CTBP2: variants seen among roughly 807,000 people sequenced by gnomAD.
The protein encoded by CTBP2 is C-terminal-binding protein 2.
CTBP2 carries 30 observed loss-of-function variants against 80.3 expected under a neutral mutation model. The ratio of observed to expected loss-of-function variants is 0.37; its 90% CI spans 0.28 to 0.51. CTBP2 has a LOEUF of 0.51. Among genes scored for constraint, CTBP2 ranks in the 20% least tolerant of loss-of-function variants. The probability of loss-of-function intolerance (pLI) is 0.93; values close to 1 mark genes in which losing one functional copy is unlikely to be tolerated. For synonymous variants in CTBP2, 594 were observed against 587.4 expected (o/e 1.01, Z -0.16); for missense variants, 1,212 against 1,375.3 (o/e 0.88, Z 1.88).
chr10:125,011,920 C>T (rs373831558), intron 1 of CTBP2, among the ~76,000 whole-genome samples: 2 of 152,230 alleles, frequency 1.3e-5, no homozygotes, highest in African/African-American at 4.8e-5. Flanking sequence ...CAGGCTCCGT[C>T]ACCTTCACCT....
intron 1 of CTBP2, among the ~76,000 whole-genome samples, chr10:125,132,735 T>C (rs1357593824): frequency 1.3e-5 from 2 of 152,212 alleles, no homozygotes; most frequent in African/African-American, 4.8e-5. Context: ...AAATATGGGT[T>C]TTCATCTGCA....
chr10:125,005,842 A>C, intron 1 of CTBP2: 1 of 1,585,544 alleles, frequency 6.3e-7, no homozygotes, highest in South Asian at 1.1e-5. Flanking sequence ...AGTGAGGAAC[A>C]CCCCAACTTC....
chr10:125,055,033 C>T (rs939390034), intron 2 of CTBP2, among the ~76,000 whole-genome samples: 8 of 152,302 alleles, frequency 5.3e-5, no homozygotes, highest in African/African-American at 1.2e-4. Context: ...CTCTGACTCA[C>T]GCACACCCAT....
At chr10:125,126,191 C>T (rs923705366) in intron 1 of CTBP2, among the ~76,000 whole-genome samples, 3 of 152,200 alleles carry the variant, frequency 2.0e-5, no homozygotes, top group South Asian at 2.1e-4. Flanking sequence ...CCTTGTCCAA[C>T]TATGTGACCT....
chr10:125,018,961 A>G (rs74854772), intron 1 of CTBP2, among the ~76,000 whole-genome samples: 2,110 of 152,288 alleles, frequency 0.014, 47 homozygotes, highest in African/African-American at 0.048. Context: ...TCAGGAGAAC[A>G]TGTCCCAGGG....
At chr10:125,006,132 A>G in intron 1 of CTBP2, 1 of 580,912 alleles carries the variant, frequency 1.7e-6, no homozygotes, top group Non-Finnish European at 2.5e-6. Context: ...GGTGAAACCC[A>G]CCCTCTACCC....
At position 124,993,326 on chromosome 10, in the gene CTBP2, A is replaced by T. The variant is rs1952972657; in HGVS notation, c.2535T>A (p.Phe845Leu). The T allele has an allele frequency of 6.2e-7, 1 of 1,606,282 alleles. No homozygotes were observed. Among genetic ancestry groups the T allele is most frequent in the Non-Finnish European group, 8.5e-7 (1 of 1,173,570 alleles). ...GGGCATCTTTCAACGGACCCTGAGC[A>T]AAGCTAGAAAAATGTAGAAAAAACA... is the stretch of plus-strand genomic sequence containing the variant. Residue 845 changes from phenylalanine (F) to leucine (L), a missense_variant, in exon 7 of 9, where the codon TTT becomes TTA. This residue lies in a region of CTBP2 where 335 missense variants were observed against 504.7 expected (regional missense o/e 0.66). Coordinates refer to ENST00000309035, the MANE Select transcript of CTBP2 (RefSeq NM_022802.3).
chr10:125,005,862 G>T lies in CTBP2; in HGVS notation c.1679-2370C>A. Reference sequence around the variant, plus strand: ...GGAACACCCCAACTTCACTTTCAGGGGTGCTGGCAGGATGGTTATCGGAGA... The same window carrying T: ...GGAACACCCCAACTTCACTTTCAGGTGTGCTGGCAGGATGGTTATCGGAGA... On this transcript the variant is annotated intron_variant, in intron 1 of 8. Transcript: ENST00000309035. 1.9e-6 allele frequency: 3 copies of T among 1,563,194 alleles called. No homozygotes were observed. In the South Asian group the frequency reaches 3.6e-5, roughly 19 times the overall value.
intron 1 of CTBP2, among the ~76,000 whole-genome samples, chr10:125,123,891 A>G (rs1183930166): frequency 6.6e-6 from 1 of 152,238 alleles, no homozygotes; most frequent in Non-Finnish European, 1.5e-5. Context: ...GTTCCCTGAC[A>G]GAGCAGCCCT....
chr10:125,076,928 G>A (rs1222054340), intron 2 of CTBP2, among the ~76,000 whole-genome samples: 1 of 151,988 alleles, frequency 6.6e-6, no homozygotes, highest in Non-Finnish European at 1.5e-5. Context: ...CATCTGTCTC[G>A]CTACTTCCTG....
At chr10:125,089,628 GT>G (rs1490686717) in intron 2 of CTBP2, among the ~76,000 whole-genome samples, 1 of 152,212 alleles carries the variant, frequency 6.6e-6, no homozygotes, top group Non-Finnish European at 1.5e-5. Flanking sequence ...GCCAGAGAAT[GT>G]AAGATGTGCA....
chr10:125,136,940 C>T (rs929640904), intron 1 of CTBP2, among the ~76,000 whole-genome samples: 1 of 152,176 alleles, frequency 6.6e-6, no homozygotes, highest in African/African-American at 2.4e-5. Context: ...GCTCCGGGCT[C>T]GTGTCAGGAG....
At chr10:125,008,393 G>T (rs1235727503) in intron 1 of CTBP2, among the ~76,000 whole-genome samples, 1 of 152,262 alleles carries the variant, frequency 6.6e-6, no homozygotes, top group African/African-American at 2.4e-5. Flanking sequence ...ACATACCCCA[G>T]GGTTGCCCCA....
intron 2 of CTBP2, among the ~76,000 whole-genome samples, chr10:125,071,131 G>A (rs138722273): frequency 6.6e-6 from 1 of 152,296 alleles, no homozygotes; most frequent in Non-Finnish European, 1.5e-5. Context: ...TGCCAGGGCT[G>A]CCACGACCTC....
chr10:125,114,663 G>C (rs918162982), intron 1 of CTBP2, among the ~76,000 whole-genome samples: 2 of 152,158 alleles, frequency 1.3e-5, no homozygotes, highest in African/African-American at 4.8e-5. Context: ...GCCCTAAAAA[G>C]GTCTTGATGG....
At position 124,985,000 on chromosome 10, in the gene CTBP2, A is replaced by C; in HGVS notation, c.*4518T>G. 1 of 1,598,918 alleles carries C rather than the reference A, an allele frequency of 6.3e-7. No individual in the cohort carries two copies. ...GATGATGAAGATGAATGAAAAAAAAAATCAAACAGCAGAAGACCAAGGCAT... is the reference window on the plus strand; with the variant it reads ...GATGATGAAGATGAATGAAAAAAAACATCAAACAGCAGAAGACCAAGGCAT... On this transcript the variant is annotated 3_prime_UTR_variant, in exon 9 of 9. Transcript: ENST00000309035.
At position 124,987,972 on chromosome 10, in the gene CTBP2, A is replaced by C. The variant is rs1285315074; in HGVS notation, c.*1546T>G. 2 of 152,540 alleles carry C rather than the reference A, an allele frequency of 1.3e-5. No individual in the cohort carries two copies. The highest frequency in any genetic ancestry group is 2.9e-5 in the Non-Finnish European group (2 of 67,950). 9.4% of individuals were successfully genotyped at this position (152,540 alleles called of 1,614,324 possible). ...ATTTTGTTTGTTAGGTTATTGGCAA[A>C]ACAGTTTCAAGGTTCACTTCCCTCC... On this transcript the variant is annotated 3_prime_UTR_variant, in exon 9 of 9. Transcript: ENST00000309035.
At chr10:124,992,228 T>TTTG (rs376337355) in intron 8 of CTBP2, among the ~76,000 whole-genome samples, 2 of 138,026 alleles carry the variant, frequency 1.4e-5, no homozygotes, top group Non-Finnish European at 3.0e-5. Context: ...TTTTTTTTTT[T>TTTG]GGTGGTGGGG....
At chr10:125,055,246 G>A (rs1963641864) in intron 2 of CTBP2, among the ~76,000 whole-genome samples, 1 of 152,208 alleles carries the variant, frequency 6.6e-6, no homozygotes, top group Non-Finnish European at 1.5e-5. Flanking sequence ...AAGGCAGTCT[G>A]CACAGAGGTT....
Sources: gnomAD v4.1 joint callset for allele counts (sites outside exome capture counted in the v4.1 genomes callset) on GRCh38, gnomAD v4.1.1 for gene constraint, gnomAD v4.1.1 regional missense constraint, MANE v1.5 for transcripts, NCBI Gene and HGNC (gene_info 2026-07-23, HGNC 2026-07-21) for gene names.